Variants in WWOX observed in about 807,000 individuals in gnomAD.
The protein encoded by WWOX is WW domain containing oxidoreductase.
Under a neutral mutation model 46.2 loss-of-function variants are expected in WWOX, and 69 were observed. The observed-to-expected ratio is 1.49, with a 90% CI of 1.23 to 1.82. WWOX has a LOEUF of 1.82. WWOX is among the 40% of genes most tolerant of loss of function. The probability of loss-of-function intolerance (pLI) is 0.00; values close to 1 mark genes in which losing one functional copy is unlikely to be tolerated. For synonymous variants in WWOX, 359 were observed against 202.6 expected (o/e 1.77, Z -6.56); for missense variants, 919 against 542.6 (o/e 1.69, Z -6.89).
chr16:78,616,028 G>A (rs2046015688), intron 8 of WWOX, among the ~76,000 whole-genome samples: 1 of 152,106 alleles, frequency 6.6e-6, no homozygotes, highest in African/African-American at 2.4e-5. Context: ...GGGATTACAG[G>A]CGTGAACTAC....
chr16:78,307,412 T>G (rs2080154379), intron 5 of WWOX, among the ~76,000 whole-genome samples: 1 of 152,124 alleles, frequency 6.6e-6, no homozygotes, highest in African/African-American at 2.4e-5. Flanking sequence ...CTAAGTACAA[T>G]TATAAGTGTT....
chr16:79,189,846 G>C (rs2150805067), intron 8 of WWOX, among the ~76,000 whole-genome samples: 1 of 145,002 alleles, frequency 6.9e-6, no homozygotes, highest in African/African-American at 2.5e-5. Context: ...GGAGCTGAGT[G>C]ATTTTAGTAG....
chr16:78,557,380 C>G (rs1337093452), intron 8 of WWOX, among the ~76,000 whole-genome samples: 5 of 152,310 alleles, frequency 3.3e-5, no homozygotes, highest in East Asian at 1.9e-4. Flanking sequence ...GGGAATATCT[C>G]TTAGCCCTCA....
intron 8 of WWOX, among the ~76,000 whole-genome samples, chr16:78,467,541 CTG>C (rs2084110401): frequency 6.6e-6 from 1 of 152,232 alleles, no homozygotes; most frequent in African/African-American, 2.4e-5. Context: ...TTTAAACTGA[CTG>C]TAATGTCTCT....
chr16:79,183,281 A>G (rs1474459218), intron 8 of WWOX, among the ~76,000 whole-genome samples: 1 of 152,206 alleles, frequency 6.6e-6, no homozygotes, highest in African/African-American at 2.4e-5. Flanking sequence ...GCTCCCTGTG[A>G]GGCTTGCATA....
intron 8 of WWOX, among the ~76,000 whole-genome samples, chr16:78,870,148 G>C (rs7200349): frequency 0.35 from 52,738 of 152,050 alleles, 9,261 homozygotes; most frequent in South Asian, 0.41. Context: ...AAACAGGAAG[G>C]GGGAAATTGC....
intron 5 of WWOX, among the ~76,000 whole-genome samples, chr16:78,226,781 T>A (rs1016293589): frequency 1.3e-5 from 2 of 152,134 alleles, no homozygotes; most frequent in East Asian, 3.9e-4. Context: ...GCATGATAAG[T>A]GTGTCGTACG....
chr16:78,201,331 T>G (rs1314440628), intron 5 of WWOX, among the ~76,000 whole-genome samples: 1 of 152,142 alleles, frequency 6.6e-6, no homozygotes, highest in Middle Eastern at 3.2e-3. Flanking sequence ...GAAAACTTAT[T>G]AAGCTTATGA....
intron 6 of WWOX, among the ~76,000 whole-genome samples, chr16:78,390,600 T>C (rs2082156208): frequency 6.6e-6 from 1 of 152,204 alleles, no homozygotes; most frequent in African/African-American, 2.4e-5. Context: ...GCGAGAGATT[T>C]TACTTTTGAA....
At chr16:78,623,604 C>T (rs150603366) in intron 8 of WWOX, among the ~76,000 whole-genome samples, 8 of 152,002 alleles carry the variant, frequency 5.3e-5, no homozygotes, top group Admixed American at 1.3e-4. Flanking sequence ...CACTTGAACC[C>T]GAGAGGCAGG....
intron 8 of WWOX, among the ~76,000 whole-genome samples, chr16:79,033,680 A>C (rs1411543721): frequency 2.0e-5 from 3 of 152,094 alleles, no homozygotes; most frequent in African/African-American, 7.2e-5. Flanking sequence ...ATCGTGCAAA[A>C]CTGAAACGCT....
chr16:78,913,263 C>A lies in WWOX; in HGVS notation c.1057-298345C>A, dbSNP rs544303946. Among the ~76,000 whole-genome samples, 117 of 152,028 alleles carry A rather than the reference C, an allele frequency of 7.7e-4. 1 individual carries two copies. The highest frequency in any genetic ancestry group is 6.8e-3 in the Middle Eastern group (2 of 294). ...GCCTAGTGCTTCACATAAGCAGAGGCCCCAAGACATCAGCAAGCCCGTTTT... is the reference window on the plus strand; with the variant it reads ...GCCTAGTGCTTCACATAAGCAGAGGACCCAAGACATCAGCAAGCCCGTTTT... On this transcript the variant is annotated intron_variant, in intron 8 of 8. Coordinates refer to ENST00000566780, the MANE Select transcript of WWOX (RefSeq NM_016373.4).
At chr16:78,910,147 G>A (rs2045070700) in intron 8 of WWOX, among the ~76,000 whole-genome samples, 1 of 148,962 alleles carries the variant, frequency 6.7e-6, no homozygotes, top group Admixed American at 6.7e-5. Flanking sequence ...TTCTGGGGAT[G>A]ATGCTTTTTC....
chr16:78,287,749 T>A (rs1274478640), intron 5 of WWOX, among the ~76,000 whole-genome samples: 1 of 152,196 alleles, frequency 6.6e-6, no homozygotes, highest in Non-Finnish European at 1.5e-5. Context: ...AAAGTTACAG[T>A]GTTTTTGGTA....
chr16:78,534,812 C>T (rs759909105), intron 8 of WWOX, among the ~76,000 whole-genome samples: 34 of 151,828 alleles, frequency 2.2e-4, no homozygotes, highest in African/African-American at 7.8e-4. Flanking sequence ...CGGGTTCAAG[C>T]GATTCCACTG....
Position 79,117,847 on chromosome 16 carries a change from A to G in WWOX, c.1057-93761A>G, listed in dbSNP as rs78533882. Among the ~76,000 whole-genome samples, 117 of 152,268 alleles carry G rather than the reference A, an allele frequency of 7.7e-4. No homozygotes were observed. In the East Asian group the frequency reaches 0.021, roughly 27 times the overall value. On this transcript the variant is annotated intron_variant, in intron 8 of 8. Transcript: ENST00000566780. ...TCCTCACCCCTCTCAGCCTTCACAC[A>G]ATTATAGAGAGTGAGGGCCTTGCTC...
At chr16:78,918,309 C>T (rs1465510849) in intron 8 of WWOX, among the ~76,000 whole-genome samples, 2 of 152,172 alleles carry the variant, frequency 1.3e-5, no homozygotes, top group East Asian at 1.9e-4. Context: ...TTCTAAGAGG[C>T]ATCTTCTATA....
rs575795310 is a variant in WWOX, at chr16:79,174,095, G to C, written c.1057-37513G>C. On this transcript the variant is annotated intron_variant, in intron 8 of 8. Transcript: ENST00000566780. ...TGTTTATTTGACCTTGATCTTGTGAGGGCTTGGTTCCCATGGCTTTGTAGA... is the reference window on the plus strand; with the variant it reads ...TGTTTATTTGACCTTGATCTTGTGACGGCTTGGTTCCCATGGCTTTGTAGA... 4.6e-5 allele frequency among the ~76,000 whole-genome samples: 7 copies of C among 152,288 alleles called. No homozygotes were observed. The South Asian group carries it at 1.2e-3, about 27-fold the overall frequency.
chr16:78,740,160 A>T (rs915121553), intron 8 of WWOX, among the ~76,000 whole-genome samples: 7 of 151,898 alleles, frequency 4.6e-5, no homozygotes, highest in African/African-American at 1.7e-4. Flanking sequence ...TCTCCTGAAA[A>T]CTCCATTTCT....
Sources: allele counts gnomAD v4.1 joint callset (sites outside exome capture counted in the v4.1 genomes callset), GRCh38; gene constraint gnomAD v4.1.1; transcripts MANE v1.5; gene names NCBI Gene and HGNC (gene_info 2026-07-23, HGNC 2026-07-21).